The following COG2 variants were observed in gnomAD, a reference collection of about 807,000 sequenced individuals.
The protein encoded by COG2 is conserved oligomeric Golgi complex subunit 2.
In COG2, 52 loss-of-function variants were observed where a neutral mutation model predicts 90.6. The ratio of observed to expected loss-of-function variants is 0.57; its 90% CI spans 0.46 to 0.72. The LOEUF is 0.72. COG2 is among the 30% of genes least tolerant of loss of function. COG2 has a pLI of 0.00. For missense variants in COG2, 829 were observed against 891.2 expected (o/e 0.93, Z 0.89); for synonymous variants, 337 against 320.4 (o/e 1.05, Z -0.55).
chr1:230,645,123 T>C (rs948940808), intron 1 of COG2, among the ~76,000 whole-genome samples: 5 of 150,194 alleles, frequency 3.3e-5, no homozygotes, highest in African/African-American at 1.2e-4. Context: ...TAGTCCCAGC[T>C]ACTTGGGAGG....
intron 5 of COG2, 38 bp downstream of exon 5, chr1:230,664,625 T>G (rs1662272889): frequency 1.9e-6 from 2 of 1,057,376 alleles, no homozygotes; most frequent in Non-Finnish European, 2.8e-6. Context: ...AAATTAATAC[T>G]TCACATCCAG....
Position 230,659,500 on chromosome 1 carries a change from A to G in COG2, c.109A>G (p.Arg37Gly), listed in dbSNP as rs2102749319. The G allele has an allele frequency of 6.2e-7, 1 of 1,613,908 alleles. No individual in the cohort carries two copies. Reference sequence around the variant, plus strand: ...TGTCGATCATTTTGTGTCTGACTGTAGGAAGCGGGTCCAGCTGGAAGAACT... The same window carrying G: ...TGTCGATCATTTTGTGTCTGACTGTGGGAAGCGGGTCCAGCTGGAAGAACT... Reference protein sequence around the residue: ...FDVDHFVSDCRKRVQLEELRD... With the variant: ...FDVDHFVSDCGKRVQLEELRD... Residue 37 changes from arginine to glycine, a missense_variant, in exon 2 of 18, where the codon AGG (arginine) becomes GGG (glycine). Arg to Gly is a moderately radical substitution (Grantham distance 125, BLOSUM62 -2). Transcript: ENST00000366669.
At chr1:230,685,436 A>G (rs766074390) in intron 12 of COG2, among the ~76,000 whole-genome samples, 200 bp downstream of exon 12, 17 of 152,104 alleles carry the variant, frequency 1.1e-4, no homozygotes, top group Non-Finnish European at 2.5e-4. Flanking sequence ...AGGGGTGTCT[A>G]TTATCACAAA....
intron 1 of COG2, among the ~76,000 whole-genome samples, chr1:230,649,486 C>T (rs909338225): frequency 5.9e-5 from 9 of 152,172 alleles, no homozygotes; most frequent in African/African-American, 1.9e-4. Context: ...TAAGGGTCTT[C>T]TATCCCCTTT....
At chr1:230,678,651 A>G in intron 9 of COG2, 2 of 1,391,642 alleles carry the variant, frequency 1.4e-6, no homozygotes, top group Non-Finnish European at 1.9e-6. Context: ...ACTGCCATTT[A>G]AAGAGCACCA....
At chr1:230,667,508 C>A (rs557749196) in intron 5 of COG2, among the ~76,000 whole-genome samples, 2 of 152,320 alleles carry the variant, frequency 1.3e-5, no homozygotes, top group Non-Finnish European at 2.9e-5. Flanking sequence ...AAATTCAGAT[C>A]TGCAAATTTG....
rs1276791751 is a variant in COG2 at position 230,678,798 on chromosome 1, A to G, written c.1027-115A>G. 3.2e-6 allele frequency: 5 copies of G among 1,569,372 alleles called. No individual in the cohort carries two copies. The Admixed American group carries it at 5.4e-5, about 17-fold the overall frequency. The stretch of plus-strand genomic sequence containing the variant: ...ATCTTGTAAGTTCCTTGTTAACTCT[A>G]GAAACTGTGATTCTTACGTGTTGAG... On this transcript the variant is annotated intron_variant, in intron 9 of 17. Transcript: ENST00000366669.
At chr1:230,656,840 G>C (rs1662067284) in intron 1 of COG2, among the ~76,000 whole-genome samples, 2 of 151,764 alleles carry the variant, frequency 1.3e-5, no homozygotes, top group African/African-American at 4.8e-5. Flanking sequence ...GCCCTTCTTT[G>C]TTTTGATCTT....
At position 230,668,869 on chromosome 1, in the gene COG2, A is replaced by G. The variant is rs1279016309; in HGVS notation, c.594+85A>G. 3.5e-6 allele frequency: 3 copies of G among 857,924 alleles called. No homozygotes were observed. In the Admixed American group the frequency reaches 7.7e-5, roughly 22 times the overall value. The allele number at this position is 857,924 out of a possible 1,614,324, so 53.1% of individuals were successfully genotyped here. A position where few individuals can be genotyped will look rare whatever the true frequency, so the allele number is the denominator to read the frequency against. ...TTTAAACTAGTAATATTGTTGATCT[A>G]CAGGGTTTTGAAGCTAACCTTGCAT... On this transcript the variant is annotated intron_variant, in intron 6 of 17. Transcript: ENST00000366669.
At chr1:230,670,632 TG>T (rs1380189268) in intron 7 of COG2, 2 of 152,152 alleles carry the variant, frequency 1.3e-5, no homozygotes, top group African/African-American at 4.8e-5. Context: ...TTTTGTGCTT[TG>T]GGGGACAGGG....
chr1:230,651,056 G>A (rs1661903350), intron 1 of COG2, among the ~76,000 whole-genome samples: 1 of 152,030 alleles, frequency 6.6e-6, no homozygotes, highest in Non-Finnish European at 1.5e-5. Context: ...AGTTTATTTA[G>A]TCCACAGTTT....
chr1:230,655,358 T>G (rs1662023687), intron 1 of COG2, among the ~76,000 whole-genome samples: 1 of 152,216 alleles, frequency 6.6e-6, no homozygotes, highest in Non-Finnish European at 1.5e-5. Flanking sequence ...GAGTTAATCT[T>G]GTGGTTTTTA....
At chr1:230,689,121 A>G (rs1662960621) in intron 15 of COG2, among the ~76,000 whole-genome samples, 1 of 152,180 alleles carries the variant, frequency 6.6e-6, no homozygotes, top group Admixed American at 6.5e-5. Flanking sequence ...GCTTAAACCT[A>G]GGAGTTTGAG....
intron 8 of COG2, among the ~76,000 whole-genome samples, chr1:230,673,189 C>A (rs1252344589): frequency 6.6e-6 from 1 of 152,190 alleles, no homozygotes; most frequent in Admixed American, 6.5e-5. Flanking sequence ...AGATGTCAAG[C>A]TTCAAAGCTT....
At chr1:230,670,985 A>G (rs996969033) in intron 7 of COG2, 1 of 151,636 alleles carries the variant, frequency 6.6e-6, no homozygotes, top group Non-Finnish European at 1.5e-5. Context: ...TTAAAGAACT[A>G]TTTGAACTTT....
At chr1:230,674,155 C>T (rs1395906763) in intron 8 of COG2, among the ~76,000 whole-genome samples, 3 of 152,326 alleles carry the variant, frequency 2.0e-5, no homozygotes, top group South Asian at 4.1e-4. Context: ...CGTTATTTAA[C>T]CGTTACTAAC....
rs559801227 is a variant in COG2 at position 230,664,839 on chromosome 1, G to T, written c.485+252G>T. Among the ~76,000 whole-genome samples, 3 of 152,246 alleles carry T rather than the reference G, an allele frequency of 2.0e-5. No homozygotes were observed. The East Asian group carries it at 5.8e-4, about 29-fold the overall frequency. On this transcript the variant is annotated intron_variant, in intron 5 of 17. Coordinates refer to ENST00000366669, the MANE Select transcript of COG2 (RefSeq NM_007357.3). ...AGTCAGAGAACGTGTACTTTCTGTG[G>T]AAGGTTTTTATTTTTGAAATTGCCT... is the stretch of plus-strand genomic sequence containing the variant.
chr1:230,673,654 C>T (rs1238046320), intron 8 of COG2, among the ~76,000 whole-genome samples: 1 of 152,088 alleles, frequency 6.6e-6, no homozygotes, highest in Non-Finnish European at 1.5e-5. Flanking sequence ...CTCTAGATAC[C>T]TTAACAGAGC....
intron 2 of COG2, 141 bp downstream of exon 2, chr1:230,659,766 A>G: frequency 1.3e-6 from 1 of 745,576 alleles, no homozygotes; most frequent in Non-Finnish European, 1.9e-6. Context: ...AATGTCATCA[A>G]TAAAATAACC....
Sources: gnomAD v4.1 joint callset for allele counts (sites outside exome capture counted in the v4.1 genomes callset) on GRCh38, gnomAD v4.1.1 for gene constraint, MANE v1.5 for transcripts, NCBI Gene and HGNC (gene_info 2026-07-23, HGNC 2026-07-21) for gene names.